PSD3: variants seen among roughly 807,000 people sequenced by gnomAD.
The protein encoded by PSD3 is PH and SEC7 domain-containing protein 3.
A neutral mutation model predicts 105.5 loss-of-function variants in PSD3; 49 were observed. The observed-to-expected ratio is 0.46, with a 90% CI of 0.37 to 0.59. The LOEUF (loss-of-function observed/expected upper bound fraction) is 0.59, where lower values mean the gene tolerates loss of function less well. PSD3 is among the 20% of genes least tolerant of loss of function. The pLI is 0.00. For synonymous variants in PSD3, 557 were observed against 457.8 expected (o/e 1.22, Z -2.77); for missense variants, 1,561 against 1,263.8 (o/e 1.24, Z -3.57).
chr8:18,560,386 T>G (rs1801328909), intron 14 of PSD3, among the ~76,000 whole-genome samples: 1 of 152,200 alleles, frequency 6.6e-6, no homozygotes, highest in South Asian at 2.1e-4. Flanking sequence ...CTTTTGTCTT[T>G]GCTTTTACAG....
intron 1 of PSD3, among the ~76,000 whole-genome samples, chr8:18,966,763 C>A (rs1377417609): frequency 1.3e-5 from 2 of 151,842 alleles, no homozygotes; most frequent in Non-Finnish European, 2.9e-5. Flanking sequence ...TCTTGGGGCT[C>A]AATTTGAATA....
At chr8:19,028,485 C>A (rs1283385694) in intron 1 of PSD3, among the ~76,000 whole-genome samples, 1 of 151,906 alleles carries the variant, frequency 6.6e-6, no homozygotes, top group Admixed American at 6.6e-5. Flanking sequence ...CTTCCCGAAG[C>A]GCTGGGATTA....
chr8:18,576,310 C>T (rs1264208783), intron 12 of PSD3, among the ~76,000 whole-genome samples: 2 of 152,122 alleles, frequency 1.3e-5, no homozygotes, highest in African/African-American at 2.4e-5. Context: ...AGATTATCCA[C>T]ATTTATAATA....
intron 1 of PSD3, among the ~76,000 whole-genome samples, chr8:18,991,911 A>G (rs548456807): frequency 7.9e-5 from 12 of 152,286 alleles, no homozygotes; most frequent in African/African-American, 2.6e-4. Context: ...TTTCCCTTAA[A>G]TCATTCAACC....
chr8:18,569,509 T>C, intron 14 of PSD3, among the ~76,000 whole-genome samples: 1 of 142,010 alleles, frequency 7.0e-6, no homozygotes. Flanking sequence ...TCACAATTGC[T>C]TCAAAGAGAA....
rs763481193 is a variant in PSD3 at position 18,575,200 on chromosome 8, G to A, written c.2567C>T (p.Thr856Met). 18 of 1,613,736 alleles carry A rather than the reference G, an allele frequency of 1.1e-5. No homozygotes were observed. Among genetic ancestry groups the A allele is most frequent in the South Asian group, 2.2e-5 (2 of 91,060 alleles). Residue 856 changes from threonine to methionine, a missense_variant, in exon 13 of 16, where the codon ACG (threonine) becomes ATG (methionine). Physicochemically the swap from Thr to Met is moderately conservative, Grantham distance 81. Coordinates refer to ENST00000327040, the MANE Select transcript of PSD3 (RefSeq NM_015310.4). ...CACGTTTGGTTTCTTCTCATAGTCCGTGGCCTTGGATGCCAATGCGTGGTG... is the reference window on the plus strand; with the variant it reads ...CACGTTTGGTTTCTTCTCATAGTCCATGGCCTTGGATGCCAATGCGTGGTG... ...SVHHALASKA[T>M]DYEKKPNVFK...
chr8:18,921,912 C>T (rs939942083), intron 2 of PSD3, among the ~76,000 whole-genome samples: 16 of 152,186 alleles, frequency 1.1e-4, no homozygotes, highest in African/African-American at 3.9e-4. Context: ...TCAGTGTTGG[C>T]ATTCCTCAAA....
At chr8:18,580,859 C>T (rs571634253) in intron 12 of PSD3, among the ~76,000 whole-genome samples, 3 of 152,186 alleles carry the variant, frequency 2.0e-5, no homozygotes, top group Admixed American at 2.0e-4. Context: ...GAGGTGAACT[C>T]TAAGTAATTC....
rs114028481 is a variant in PSD3, at chr8:18,743,152, T to C, written c.2172+22297A>G. The stretch of plus-strand genomic sequence containing the variant: ...AAAGGGCAAACCTCCCCTTTGCCCT[T>C]TGAAGGTTCACTGAAAATCAACTGG... On this transcript the variant is annotated intron_variant, in intron 9 of 15. Coordinates refer to ENST00000327040, the MANE Select transcript of PSD3 (RefSeq NM_015310.4). 8.5e-3 allele frequency among the ~76,000 whole-genome samples: 1,288 copies of C among 152,240 alleles called. 17 individuals are homozygous for C. Among genetic ancestry groups the C allele is most frequent in the African/African-American group, 0.029 (1,197 of 41,538 alleles).
At chr8:18,979,264 G>A (rs979116841) in intron 1 of PSD3, among the ~76,000 whole-genome samples, 1 of 151,702 alleles carries the variant, frequency 6.6e-6, no homozygotes, top group Admixed American at 6.6e-5. Context: ...CTAGACCCTC[G>A]GCCCATGTTT....
At chr8:18,772,896 G>T (rs1287203242) in intron 8 of PSD3, among the ~76,000 whole-genome samples, 2 of 152,190 alleles carry the variant, frequency 1.3e-5, no homozygotes, top group African/African-American at 4.8e-5. Flanking sequence ...ATTTTTAGAT[G>T]TGGAAATATA....
intron 9 of PSD3, among the ~76,000 whole-genome samples, chr8:18,699,913 T>C (rs560172098): frequency 2.6e-4 from 39 of 152,144 alleles, no homozygotes; most frequent in African/African-American, 9.1e-4. Flanking sequence ...GCTCCTATAT[T>C]TTCCTTTCTT....
At chr8:18,668,330 A>G (rs950260771) in intron 9 of PSD3, among the ~76,000 whole-genome samples, 1 of 152,208 alleles carries the variant, frequency 6.6e-6, no homozygotes, top group Non-Finnish European at 1.5e-5. Flanking sequence ...TTTATAGACA[A>G]ACTTCTGAAT....
At chr8:18,756,612 T>C (rs1806061790) in intron 9 of PSD3, among the ~76,000 whole-genome samples, 1 of 152,086 alleles carries the variant, frequency 6.6e-6, no homozygotes, top group South Asian at 2.1e-4. Flanking sequence ...CCTGTGAAGT[T>C]GTTCCAATTT....
chr8:18,690,768 C>A (rs1385098118), intron 9 of PSD3, among the ~76,000 whole-genome samples: 2 of 152,230 alleles, frequency 1.3e-5, no homozygotes, highest in Non-Finnish European at 2.9e-5. Flanking sequence ...GCTGTCTGGT[C>A]CGTCACCCTT....
At chr8:19,058,949 C>T (rs558854410) in intron 1 of PSD3, among the ~76,000 whole-genome samples, 130 of 152,264 alleles carry the variant, frequency 8.5e-4, no homozygotes, top group African/African-American at 2.5e-3. Flanking sequence ...CTGGCCCTCG[C>T]GTTCACTCTT....
chr8:18,610,599 GCTTTT>G (rs1401975264), intron 11 of PSD3, among the ~76,000 whole-genome samples: 4 of 152,176 alleles, frequency 2.6e-5, no homozygotes, highest in African/African-American at 9.7e-5. Context: ...TTGGGCTGAA[GCTTTT>G]CTTTTAACAG....
intron 9 of PSD3, among the ~76,000 whole-genome samples, chr8:18,722,998 T>C (rs573145543): frequency 1.3e-5 from 2 of 152,322 alleles, no homozygotes; most frequent in East Asian, 3.9e-4. Flanking sequence ...ATGAAGAACA[T>C]GCAACATAAC....
At chr8:18,566,291 G>A (rs780151064) in intron 14 of PSD3, among the ~76,000 whole-genome samples, 6 of 152,252 alleles carry the variant, frequency 3.9e-5, no homozygotes, top group Non-Finnish European at 7.4e-5. Context: ...TTGGGAGGCC[G>A]AGGTGGGCAG....
Sources: allele counts gnomAD v4.1 joint callset (sites outside exome capture counted in the v4.1 genomes callset), GRCh38; gene constraint gnomAD v4.1.1; transcripts MANE v1.5; gene names NCBI Gene and HGNC (gene_info 2026-07-23, HGNC 2026-07-21).